RPS6KB1: variants seen among roughly 807,000 people sequenced by gnomAD.
RPS6KB1 encodes ribosomal protein S6 kinase B1, also known as ribosomal protein S6 kinase beta-1.
A neutral mutation model predicts 70.2 loss-of-function variants in RPS6KB1; 12 were observed. The ratio of observed to expected loss-of-function variants is 0.17; its 90% CI spans 0.11 to 0.28. RPS6KB1 has a LOEUF of 0.28. Ranked by LOEUF, RPS6KB1 falls within the 10% of genes least tolerant of loss-of-function variation. The pLI is 1.00. For synonymous variants in RPS6KB1, 175 were observed against 211.2 expected (o/e 0.83, Z 1.49); for missense variants, 270 against 646.6 (o/e 0.42, Z 6.32).
intron 1 of RPS6KB1, among the ~76,000 whole-genome samples, chr17:59,901,655 A>G (rs531536156): frequency 1.3e-5 from 2 of 151,120 alleles, no homozygotes; most frequent in African/African-American, 4.8e-5. Flanking sequence ...AAGAAAAAAA[A>G]AGAAACAGAG....
In RPS6KB1 at chr17:59,949,428, C is replaced by T. The variant is rs1176315750; in HGVS notation, c.*2640C>T. Reference sequence around the variant, plus strand: ...GTAAGTGTATAAAAGAGATTAAGTGCTTTTTTTTCATCACTTGATTATTTT... The same window carrying T: ...GTAAGTGTATAAAAGAGATTAAGTGTTTTTTTTTCATCACTTGATTATTTT... On this transcript the variant is annotated 3_prime_UTR_variant, in exon 15 of 15. Coordinates refer to ENST00000225577, the MANE Select transcript of RPS6KB1 (RefSeq NM_003161.4). 1.3e-5 allele frequency: 2 copies of T among 152,160 alleles called. No homozygotes were observed. Among genetic ancestry groups the T allele is most frequent in the African/African-American group, 2.4e-5 (1 of 41,310 alleles). 9.4% of individuals were successfully genotyped at this position (152,160 alleles called of 1,614,324 possible).
chr17:59,922,701 C>T (rs567689941), intron 4 of RPS6KB1, among the ~76,000 whole-genome samples: 13 of 151,336 alleles, frequency 8.6e-5, no homozygotes, highest in Non-Finnish European at 1.5e-4. Context: ...TGCGCCATCG[C>T]GCCCAGCTAA....
In RPS6KB1 at chr17:59,934,479, T is replaced by C. The variant is rs751743241; in HGVS notation, c.825T>C (p.Asp275=). ...LMRSGHNRAV[D]WWSLGALMYD... is the part of the protein sequence containing the mutation. ...GAAGTGGCCACAATCGTGCTGTGGA[T>C]TGGTGGAGTTTGGGAGCATTAATGT... The change falls in exon 9 of 15, where the codon GAT becomes GAC. Residue 275 remains aspartate (D), a synonymous_variant. Coordinates refer to ENST00000225577, the MANE Select transcript of RPS6KB1 (RefSeq NM_003161.4). The surrounding 1 kb of genome is among the most constrained non-coding windows in gnomAD (Gnocchi z 4.8). 27 of 1,613,676 alleles carry C rather than the reference T, an allele frequency of 1.7e-5. No homozygotes were observed. Among genetic ancestry groups the C allele is most frequent in the Non-Finnish European group, 2.1e-5 (25 of 1,179,762 alleles).
intron 10 of RPS6KB1, among the ~76,000 whole-genome samples, chr17:59,935,822 T>C (rs147084605): frequency 5.3e-4 from 81 of 151,676 alleles, no homozygotes; most frequent in African/African-American, 1.7e-3. Context: ...CTTTTCTTTT[T>C]TTTCTGAGAT....
At chr17:59,917,106 TTTGA>T (rs1568434176) in intron 4 of RPS6KB1, among the ~76,000 whole-genome samples, 1 of 152,194 alleles carries the variant, frequency 6.6e-6, no homozygotes, top group Admixed American at 6.6e-5. Flanking sequence ...TTGCTTTGAC[TTTGA>T]TTATTATTTT....
intron 4 of RPS6KB1, among the ~76,000 whole-genome samples, chr17:59,924,383 A>G (rs1445608394): frequency 1.3e-5 from 2 of 152,096 alleles, no homozygotes; most frequent in African/African-American, 4.8e-5. Context: ...TTCTGTGGTA[A>G]AGTTATTGGT....
At chr17:59,933,424 C>T (rs2044059540) in intron 7 of RPS6KB1, among the ~76,000 whole-genome samples, 1 of 152,138 alleles carries the variant, frequency 6.6e-6, no homozygotes, top group African/African-American at 2.4e-5. Flanking sequence ...GGCCATACTT[C>T]TTCTGTATCA....
chr17:59,922,486 G>A (rs1456030274), intron 4 of RPS6KB1, among the ~76,000 whole-genome samples: 1 of 149,790 alleles, frequency 6.7e-6, no homozygotes, highest in East Asian at 2.0e-4. Context: ...ATAAAATGGA[G>A]ACTTTTCTAT....
intron 12 of RPS6KB1, among the ~76,000 whole-genome samples, chr17:59,938,868 C>T (rs2044413052): frequency 6.6e-6 from 1 of 152,044 alleles, no homozygotes; most frequent in Admixed American, 6.6e-5. Context: ...TAGGTACCTT[C>T]AGGAGTAAGA....
intron 4 of RPS6KB1, among the ~76,000 whole-genome samples, chr17:59,921,166 G>A (rs1301798067): frequency 6.6e-6 from 1 of 152,096 alleles, no homozygotes; most frequent in African/African-American, 2.4e-5. Flanking sequence ...TGGTGGGTGG[G>A]GTGGTATATT....
At chr17:59,914,515 T>C (rs1363722099) in intron 3 of RPS6KB1, 120 bp from the exon 4 acceptor site, 1 of 771,516 alleles carries the variant, frequency 1.3e-6, no homozygotes, top group African/African-American at 1.8e-5. Flanking sequence ...TAGCTGATCA[T>C]TTTTGCACAT....
At chr17:59,900,604 G>A (rs2041875725) in intron 1 of RPS6KB1, among the ~76,000 whole-genome samples, 1 of 152,034 alleles carries the variant, frequency 6.6e-6, no homozygotes, top group Non-Finnish European at 1.5e-5. Context: ...AATCTCAGGT[G>A]ATCCGCCTGC....
chr17:59,939,255 T>C (rs2044438446), intron 12 of RPS6KB1, among the ~76,000 whole-genome samples: 1 of 152,234 alleles, frequency 6.6e-6, no homozygotes, highest in Non-Finnish European at 1.5e-5. Context: ...TTTCATTTCA[T>C]CGCAGTTATT....
intron 4 of RPS6KB1, among the ~76,000 whole-genome samples, chr17:59,917,304 T>C (rs1383107105): frequency 6.6e-6 from 1 of 151,740 alleles, no homozygotes; most frequent in South Asian, 2.1e-4. Context: ...AATGTAGAGA[T>C]GGGCACTCAC....
intron 1 of RPS6KB1, among the ~76,000 whole-genome samples, chr17:59,897,710 T>TAC (rs1568369157): frequency 2.1e-3 from 314 of 152,302 alleles, no homozygotes; most frequent in African/African-American, 7.3e-3. Context: ...CTCATGCCTG[T>TAC]AATCCCAGCA....
At chr17:59,912,612 T>G (rs749209809) in intron 2 of RPS6KB1, 72 bp from the exon 3 acceptor site, 2 of 1,486,364 alleles carry the variant, frequency 1.3e-6, no homozygotes, top group South Asian at 1.2e-5. Flanking sequence ...CTCTGTCTCC[T>G]TTTTCTTGAC....
At chr17:59,916,575 T>G (rs1035474387) in intron 4 of RPS6KB1, among the ~76,000 whole-genome samples, 31 of 152,332 alleles carry the variant, frequency 2.0e-4, no homozygotes, top group Non-Finnish European at 1.5e-4. Flanking sequence ...GCTTATAAGA[T>G]AATCTATCAG....
At chr17:59,936,391 A>C in intron 11 of RPS6KB1, 73 bp from the exon 12 acceptor site, 1 of 1,537,916 alleles carries the variant, frequency 6.5e-7, no homozygotes, top group Non-Finnish European at 8.9e-7. Context: ...TTGTAACTTC[A>C]AAAAGGTGAT....
chr17:59,908,876 C>T (rs1762854937), intron 1 of RPS6KB1, among the ~76,000 whole-genome samples: 2 of 142,958 alleles, frequency 1.4e-5, no homozygotes, highest in South Asian at 2.2e-4. Context: ...CCTCGGCCTC[C>T]CAGAGTGCTG....
Sources: gnomAD v4.1 joint callset for allele counts (sites outside exome capture counted in the v4.1 genomes callset) on GRCh38, gnomAD v4.1.1 for gene constraint, Gnocchi (gnomAD v3.1) non-coding constraint, MANE v1.5 for transcripts, NCBI Gene and HGNC (gene_info 2026-07-23, HGNC 2026-07-21) for gene names.